The following ERI1 variants were observed in gnomAD, a reference collection of about 807,000 sequenced individuals.
The protein encoded by ERI1 is exoribonuclease 1, also known as 3'-5' exoribonuclease 1.
Under a neutral mutation model 39.7 loss-of-function variants are expected in ERI1, and 39 were observed. The ratio of observed to expected loss-of-function variants is 0.98; its 90% CI spans 0.76 to 1.28. The LOEUF (loss-of-function observed/expected upper bound fraction) is 1.28, where lower values mean the gene tolerates loss of function less well. Ranked by LOEUF, ERI1 falls within the 50% of genes most tolerant of loss-of-function variation. ERI1 has a pLI of 0.00. For synonymous variants in ERI1, 204 were observed against 149.6 expected (o/e 1.36, Z -2.65); for missense variants, 581 against 416.9 (o/e 1.39, Z -3.43).
chr8:9,007,981 G>C lies in ERI1; in HGVS notation c.120G>C (p.Gln40His). The C allele has an allele frequency of 1.1e-6, 1 of 946,260 alleles. No homozygotes were observed. Among genetic ancestry groups the C allele is most frequent in the Admixed American group, 2.5e-5 (1 of 40,166 alleles). 58.6% of individuals were successfully genotyped at this position (946,260 alleles called of 1,614,324 possible). Residue 40 changes from glutamine to histidine, a missense_variant, in exon 2 of 7, where the codon CAG (glutamine) becomes CAC (histidine). Physicochemically the swap from Gln to His is conservative, Grantham distance 24. Transcript: ENST00000250263. The part of the protein sequence containing the change: ...PPRPSPEETQ[Q>H]CKFDGQETKG... ...TTTTTTTTTGGTAGGAAACTCAACA[G>C]TGTAAATTTGATGGCCAGGAGACAA...
At chr8:9,028,779 A>G (rs1469662831) in intron 6 of ERI1, among the ~76,000 whole-genome samples, 1 of 152,058 alleles carries the variant, frequency 6.6e-6, no homozygotes, top group Non-Finnish European at 1.5e-5. Flanking sequence ...GCACGCCACC[A>G]TAGCCAGATA....
intron 3 of ERI1, among the ~76,000 whole-genome samples, chr8:9,015,713 C>G (rs1480397240): frequency 1.2e-5 from 1 of 85,730 alleles, no homozygotes; most frequent in Non-Finnish European, 2.2e-5. Context: ...CAGAGCGAGA[C>G]TCTGTCTCCA....
At chr8:9,072,498 C>G (rs2117429821) in intron 3 of ERI1, 1 of 152,124 alleles carries the variant, frequency 6.6e-6, no homozygotes, top group East Asian at 1.9e-4. Context: ...AGACAAATTC[C>G]AAAAGAGCTG....
intron 4 of ERI1, among the ~76,000 whole-genome samples, chr8:9,017,020 C>G (rs180753225): frequency 5.9e-4 from 90 of 151,940 alleles, no homozygotes; most frequent in African/African-American, 1.9e-3. Flanking sequence ...TACAACCTGA[C>G]TTTATATTTT....
chr8:9,083,490 G>T (rs952495611), intron 3 of ERI1, among the ~76,000 whole-genome samples: 30 of 152,120 alleles, frequency 2.0e-4, no homozygotes, highest in African/African-American at 5.8e-4. Flanking sequence ...ATATACCAAA[G>T]AAGAGAGAAC....
chr8:9,079,426 G>C (rs1426677091), intron 3 of ERI1, among the ~76,000 whole-genome samples: 1 of 152,166 alleles, frequency 6.6e-6, no homozygotes, highest in Non-Finnish European at 1.5e-5. Flanking sequence ...ACATGTGAAG[G>C]GTTCCTGGTT....
intron 3 of ERI1, among the ~76,000 whole-genome samples, chr8:9,056,401 C>A (rs1165762499): frequency 1.3e-5 from 2 of 152,192 alleles, no homozygotes; most frequent in Non-Finnish European, 2.9e-5. Context: ...ATTAGTGAGT[C>A]CCTAAAACAG....
rs1440033324 is a variant in ERI1 at position 9,030,037 on chromosome 8, A to G, written c.*3A>G. 7 of 1,480,060 alleles carry G rather than the reference A, an allele frequency of 4.7e-6. No individual in the cohort carries two copies. The highest frequency in any genetic ancestry group is 2.5e-5 in the East Asian group (1 of 39,570). 91.7% of individuals were successfully genotyped at this position (1,480,060 alleles called of 1,614,324 possible). A position where few individuals can be genotyped will look rare whatever the true frequency, so the allele number is the denominator to read the frequency against. ...AAATGCCACATTTTAGAAAGTAACA[A>G]CAGTTTTGTGTGTGGATCATTCCAA... is the stretch of plus-strand genomic sequence containing the variant. On this transcript the variant is annotated 3_prime_UTR_variant, in exon 7 of 7. Transcript: ENST00000250263.
Position 9,043,740 on chromosome 8 carries a change from A to T in ERI1, n.299+23276A>T, listed in dbSNP as rs535267198. Among the ~76,000 whole-genome samples the T allele has an allele frequency of 3.9e-5, 6 of 152,222 alleles. No individual in the cohort carries two copies. In the East Asian group the frequency reaches 9.6e-4, roughly 24 times the overall value. Reference sequence around the variant, plus strand: ...TATTTTTGTTTTATTTTCGTTGGAGACAGGGTCTCACTATCTTGCTCAGGC... The same window carrying T: ...TATTTTTGTTTTATTTTCGTTGGAGTCAGGGTCTCACTATCTTGCTCAGGC... On this transcript the variant is annotated intron_variant and non_coding_transcript_variant, in intron 3 of 3. Coordinates refer to the ERI1 transcript ENST00000518663.
intron 5 of ERI1, among the ~76,000 whole-genome samples, chr8:9,019,115 GT>G (rs1425018786): frequency 6.6e-6 from 1 of 152,192 alleles, no homozygotes; most frequent in Non-Finnish European, 1.5e-5. Flanking sequence ...TGAGCTTAAA[GT>G]GTATGCCCAA....
intron 5 of ERI1, among the ~76,000 whole-genome samples, chr8:9,018,891 C>G (rs1563323171): frequency 6.6e-6 from 1 of 152,172 alleles, no homozygotes. Context: ...CAAAGCCCAT[C>G]TTGTGTTTTA....
intron 3 of ERI1, among the ~76,000 whole-genome samples, chr8:9,040,049 C>G (rs1474445896): frequency 1.3e-5 from 2 of 152,050 alleles, no homozygotes; most frequent in African/African-American, 4.8e-5. Flanking sequence ...TCCTTCCAGT[C>G]AATGATTGTT....
At chr8:9,070,230 CTGTCTCAAAAAAAA>C (rs1799005419) in intron 3 of ERI1, among the ~76,000 whole-genome samples, 1 of 150,540 alleles carries the variant, frequency 6.6e-6, no homozygotes, top group Non-Finnish European at 1.5e-5. Context: ...GAGTGAGACG[CTGTCTCAAAAAAAA>C]AAACAAAACA....
At chr8:9,063,468 A>G (rs1425945417) in intron 3 of ERI1, among the ~76,000 whole-genome samples, 1 of 152,176 alleles carries the variant, frequency 6.6e-6, no homozygotes, top group Non-Finnish European at 1.5e-5. Flanking sequence ...TAAAAGGATT[A>G]TAGGGTGGAG....
At chr8:9,046,356 A>G (rs111798806) in intron 3 of ERI1, among the ~76,000 whole-genome samples, 5 of 152,230 alleles carry the variant, frequency 3.3e-5, no homozygotes, top group African/African-American at 4.8e-5. Flanking sequence ...TGAGCAGCAC[A>G]TATGCGAGAC....
intron 3 of ERI1, 87 bp from the exon 4 acceptor site, chr8:9,016,235 A>T: frequency 3.0e-6 from 2 of 671,578 alleles, no homozygotes; most frequent in South Asian, 5.9e-5. Flanking sequence ...ATGAAATTGC[A>T]ACCTGCTGTG....
chr8:9,030,995 G>T lies in ERI1; in HGVS notation c.*961G>T, dbSNP rs980628318. 1.3e-5 allele frequency: 2 copies of T among 152,150 alleles called. No homozygotes were observed. Among genetic ancestry groups the T allele is most frequent in the African/African-American group, 4.8e-5 (2 of 41,436 alleles). The allele number at this position is 152,150 out of a possible 1,614,324, so 9.4% of individuals were successfully genotyped here. A position where few individuals can be genotyped will look rare whatever the true frequency, so the allele number is the denominator to read the frequency against. On this transcript the variant is annotated 3_prime_UTR_variant, in exon 7 of 7. Coordinates refer to ENST00000250263, the MANE Select transcript of ERI1 (RefSeq NM_153332.4). The stretch of plus-strand genomic sequence containing the variant: ...GTTTTTCTGATTTTACATAGTAAAT[G>T]GCTGCTAAGTATTGAGTAATTCTTA...
Position 9,022,269 on chromosome 8 carries a change from T to G in ERI1, c.807+1805T>G, listed in dbSNP as rs368191927. ...TTTGCGAACCCCTTATTTAAATTTC[T>G]GACTGTTTTAAAAAAAATTGGGTAG... is the stretch of plus-strand genomic sequence containing the variant. On this transcript the variant is annotated intron_variant, in intron 6 of 6. Coordinates refer to ENST00000250263, the MANE Select transcript of ERI1 (RefSeq NM_153332.4). Among the ~76,000 whole-genome samples the G allele has an allele frequency of 3.2e-4, 49 of 152,350 alleles. 1 individual carries two copies. The East Asian group carries it at 8.9e-3, about 28-fold the overall frequency.
Position 9,029,619 on chromosome 8 carries a change from C to G in ERI1, c.808-173C>G, listed in dbSNP as rs575266323. Reference sequence around the variant, plus strand: ...GTGCTGAGATTACAGGCGTGAGCCACCTTGCCTGGCCTGAATTTTTTATTT... The same window carrying G: ...GTGCTGAGATTACAGGCGTGAGCCAGCTTGCCTGGCCTGAATTTTTTATTT... On this transcript the variant is annotated intron_variant, in intron 6 of 6. Transcript: ENST00000250263. 5.9e-4 allele frequency among the ~76,000 whole-genome samples: 90 copies of G among 152,330 alleles called. 1 individual carries two copies. Among genetic ancestry groups the G allele is most frequent in the Non-Finnish European group, 7.2e-4 (49 of 68,038 alleles).
Sources: gnomAD v4.1 joint callset for allele counts (sites outside exome capture counted in the v4.1 genomes callset) on GRCh38, gnomAD v4.1.1 for gene constraint, MANE v1.5 for transcripts, NCBI Gene and HGNC (gene_info 2026-07-23, HGNC 2026-07-21) for gene names.